The following ERMP1 variants were observed in gnomAD, a reference collection of about 807,000 sequenced individuals.
ERMP1 encodes endoplasmic reticulum metallopeptidase 1, also known as Felix-ina.
In ERMP1, 86 loss-of-function variants were observed where a neutral mutation model predicts 92.0. That is an observed-to-expected ratio of 0.93 (90% CI 0.79 to 1.12). The LOEUF is 1.12. Ranked by LOEUF, ERMP1 falls within the 50% of genes most tolerant of loss-of-function variation. The pLI, the probability that ERMP1 is intolerant of heterozygous loss-of-function variation, is 0.00. For synonymous variants in ERMP1, 530 were observed against 412.8 expected, an observed-to-expected ratio of 1.28 and a Z score of -3.44; for missense variants, 1,342 against 1,116.3, an observed-to-expected ratio of 1.20 and a Z score of -2.88.
At chr9:5,818,629 C>T (rs905269586) in intron 4 of ERMP1, among the ~76,000 whole-genome samples, 2 of 151,750 alleles carry the variant, frequency 1.3e-5, no homozygotes, top group African/African-American at 4.8e-5. Context: ...GCAGGCAGAT[C>T]ACTTGAGCCC....
At chr9:5,789,014 G>A (rs887569562) in intron 13 of ERMP1, among the ~76,000 whole-genome samples, 25 of 152,106 alleles carry the variant, frequency 1.6e-4, no homozygotes, top group African/African-American at 2.4e-4. Context: ...AAAGGTTAGC[G>A]ATAGTGGTAA....
intron 8 of ERMP1, among the ~76,000 whole-genome samples, chr9:5,806,070 A>C (rs957550948): frequency 1.3e-5 from 2 of 152,224 alleles, no homozygotes; most frequent in African/African-American, 4.8e-5. Context: ...ATTTTCCAAA[A>C]TAGAAGAAAG....
chr9:5,865,846 A>T (rs1374755956), intron 5 of ERMP1, among the ~76,000 whole-genome samples: 9 of 150,218 alleles, frequency 6.0e-5, no homozygotes, highest in Non-Finnish European at 1.3e-4. Context: ...TCAAAAAAAA[A>T]AAAAAAAAAA....
intron 2 of ERMP1, among the ~76,000 whole-genome samples, 186 bp downstream of exon 2, chr9:5,830,541 T>C (rs955558595): frequency 6.6e-6 from 1 of 152,164 alleles, no homozygotes; most frequent in Non-Finnish European, 1.5e-5. Flanking sequence ...ATAAAGCACT[T>C]AAGAGAAGAC....
At chr9:5,793,857 C>T (rs772525539) in intron 13 of ERMP1, among the ~76,000 whole-genome samples, 1 of 151,880 alleles carries the variant, frequency 6.6e-6, no homozygotes, top group African/African-American at 2.4e-5. Context: ...ACTTCAACAC[C>T]CCTCCATCAC....
rs187689507 is a variant in ERMP1 at position 5,842,067 on chromosome 9, C to T, written n.3200-8755G>A. ...AGCGTTACAGCATATAAAGGTAGTGCGGACCCAAAGAGTGAGCAGCAGCAA... is the reference window on the plus strand; with the variant it reads ...AGCGTTACAGCATATAAAGGTAGTGTGGACCCAAAGAGTGAGCAGCAGCAA... On this transcript the variant is annotated intron_variant and non_coding_transcript_variant, in intron 6 of 6. Coordinates refer to the ERMP1 transcript ENST00000690753. 7.9e-5 allele frequency among the ~76,000 whole-genome samples: 12 copies of T among 152,070 alleles called. No homozygotes were observed. In the East Asian group the frequency reaches 9.6e-4, roughly 12 times the overall value.
At chr9:5,822,425 C>T (rs921175485) in intron 4 of ERMP1, among the ~76,000 whole-genome samples, 4 of 152,080 alleles carry the variant, frequency 2.6e-5, no homozygotes, top group South Asian at 2.1e-4. Flanking sequence ...CCTTGAGAAT[C>T]TCAAACGCTT....
chr9:5,865,407 C>T (rs917457321), intron 5 of ERMP1, among the ~76,000 whole-genome samples: 1 of 152,016 alleles, frequency 6.6e-6, no homozygotes, highest in African/African-American at 2.4e-5. Context: ...ACTTGGGAGG[C>T]TGAGGCAGGA....
chr9:5,846,525 G>A, intron 6 of ERMP1, among the ~76,000 whole-genome samples: 1 of 152,222 alleles, frequency 6.6e-6, no homozygotes, highest in East Asian at 1.9e-4. Context: ...ACTTTGCAAT[G>A]TAACCTGTGA....
chr9:5,806,428 CTTTTT>C (rs772362220), intron 8 of ERMP1, among the ~76,000 whole-genome samples: 2 of 140,258 alleles, frequency 1.4e-5, no homozygotes, highest in Non-Finnish European at 1.6e-5. Context: ...GCCATATAAA[CTTTTT>C]TTTTTTTTTT....
chr9:5,831,040 CA>C lies in ERMP1; in HGVS notation c.339-13del. ...GTTCAAGATAATCCCTGGAAGTAAC[CA>C]AAAGAATAACAAAGGTTTGTAGTTA... On this transcript the variant is annotated splice_polypyrimidine_tract_variant and intron_variant, in intron 1 of 14. Transcript: ENST00000339450. 1 of 1,596,148 alleles carries C rather than the reference CA, an allele frequency of 6.3e-7. No individual in the cohort carries two copies. Among genetic ancestry groups the C allele is most frequent in the South Asian group, 1.1e-5 (1 of 88,924 alleles).
At chr9:5,830,675 T>C (rs565825277) in intron 2 of ERMP1, 52 bp downstream of exon 2, 99 of 1,477,092 alleles carry the variant, frequency 6.7e-5, no homozygotes, top group Non-Finnish European at 8.4e-5. Context: ...GTTATGTTAA[T>C]AAACTTTCTG....
intron 4 of ERMP1, among the ~76,000 whole-genome samples, chr9:5,816,800 G>A (rs1164925497): frequency 1.3e-5 from 2 of 152,122 alleles, no homozygotes; most frequent in Non-Finnish European, 2.9e-5. Flanking sequence ...AGTGAAGCTC[G>A]GAGTGGTCAC....
intron 13 of ERMP1, among the ~76,000 whole-genome samples, chr9:5,787,912 A>G (rs2131193616): frequency 6.6e-6 from 1 of 152,360 alleles, no homozygotes; most frequent in East Asian, 1.9e-4. Flanking sequence ...GAAAAAGCAT[A>G]TGAAAGTGTT....
intron 5 of ERMP1, among the ~76,000 whole-genome samples, chr9:5,866,730 G>C (rs1830676265): frequency 6.6e-6 from 1 of 152,162 alleles, no homozygotes; most frequent in South Asian, 2.1e-4. Flanking sequence ...AATCTGAGTG[G>C]CGATGAGAGG....
chr9:5,847,873 C>T (rs796118762), intron 6 of ERMP1, among the ~76,000 whole-genome samples: 13 of 147,406 alleles, frequency 8.8e-5, no homozygotes, highest in African/African-American at 3.0e-4. Flanking sequence ...CCAGCCCGGG[C>T]GACAGAGCGA....
In ERMP1 at chr9:5,810,086, G is replaced by A. The variant is rs375874561; in HGVS notation, c.1473C>T (p.Ser491=). 24 of 1,613,746 alleles carry A rather than the reference G, an allele frequency of 1.5e-5. No homozygotes were observed. Among genetic ancestry groups the A allele is most frequent in the African/African-American group, 1.5e-4 (11 of 74,884 alleles). Residue 491 remains serine, a synonymous_variant, in exon 8 of 15, where the codon TCC becomes TCT. Coordinates refer to ENST00000339450, the MANE Select transcript of ERMP1 (RefSeq NM_024896.3). The stretch of plus-strand genomic sequence containing the variant: ...CAGTTGCAGTTCCATACAGACAAAC[G>A]GAGACATAGAAGTGGTTATACCATG... The part of the protein sequence containing the change: ...SLSWYNHFYV[S]VCLYGTATVA...
At chr9:5,839,665 C>T (rs530224461) in intron 6 of ERMP1, among the ~76,000 whole-genome samples, 1 of 152,232 alleles carries the variant, frequency 6.6e-6, no homozygotes, top group East Asian at 1.9e-4. Flanking sequence ...CTCCTGCAGC[C>T]CCCTGAAGCC....
upstream of ERMP1, among the ~76,000 whole-genome samples, chr9:5,834,977 ATGTGTGTGTGTGTGTG>A (rs71326191): frequency 8.7e-4 from 109 of 125,200 alleles, 1 homozygote; most frequent in African/African-American, 2.4e-3. Context: ...GGATAGATAG[ATGTGTGTGTGTGTGTG>A]TGTGTGTGTG....
Sources: allele counts gnomAD v4.1 joint callset (sites outside exome capture counted in the v4.1 genomes callset), GRCh38; gene constraint gnomAD v4.1.1; transcripts MANE v1.5; gene names NCBI Gene and HGNC (gene_info 2026-07-23, HGNC 2026-07-21).